The following MME variants were observed in gnomAD, a reference collection of about 807,000 sequenced individuals.
MME encodes the protein neprilysin.
Under a neutral mutation model 113.2 loss-of-function variants are expected in MME, and 98 were observed. That is an observed-to-expected ratio of 0.87 (90% CI 0.74 to 1.02). The LOEUF (loss-of-function observed/expected upper bound fraction) is 1.02, where lower values mean the gene tolerates loss of function less well. Ranked by LOEUF, MME falls within the 50% of genes least tolerant of loss-of-function variation. MME has a pLI of 0.00. For synonymous variants in MME, 292 were observed against 300.6 expected (o/e 0.97, Z 0.30); for missense variants, 836 against 896.0 (o/e 0.93, Z 0.86).
Position 155,097,494 on chromosome 3 carries a change from G to A in MME, c.196+12400G>A, listed in dbSNP as rs553482186. On this transcript the variant is annotated intron_variant, in intron 3 of 22. Transcript: ENST00000360490. ...AGCTGAGAGGTTGAGTAGGCTAAAT[G>A]TTGAAAGCAGAAAGGAAGACATTGA... is the stretch of plus-strand genomic sequence containing the variant. Among the ~76,000 whole-genome samples, 35 of 152,316 alleles carry A rather than the reference G, an allele frequency of 2.3e-4. 1 individual carries two copies. Among genetic ancestry groups the A allele is most frequent in the African/African-American group, 4.1e-4 (17 of 41,574 alleles).
intron 3 of MME, among the ~76,000 whole-genome samples, chr3:155,097,680 T>A (rs960774372): frequency 6.6e-6 from 1 of 152,158 alleles, no homozygotes; most frequent in African/African-American, 2.4e-5. Flanking sequence ...CCAAGATGGC[T>A]GAAATGCAAA....
intron 1 of MME, among the ~76,000 whole-genome samples, chr3:155,038,496 T>C (rs11923608): frequency 0.03 from 4,505 of 152,236 alleles, 191 homozygotes; most frequent in African/African-American, 0.093. Context: ...TTTGATTAGA[T>C]TTTCGATCTA....
intron 10 of MME, among the ~76,000 whole-genome samples, chr3:155,140,684 G>GT (rs1721011078): frequency 6.6e-6 from 1 of 151,978 alleles, no homozygotes; most frequent in Non-Finnish European, 1.5e-5. Flanking sequence ...TTAGCCACAG[G>GT]TGTGAGCCAC....
chr3:155,040,699 G>A (rs929071509), intron 1 of MME, among the ~76,000 whole-genome samples: 92 of 151,806 alleles, frequency 6.1e-4, no homozygotes, highest in African/African-American at 2.1e-3. Context: ...TACTATTTTC[G>A]AAAATTTTTC....
At chr3:155,180,296 G>A (rs1447771771) in intron 22 of MME, 64 bp from the exon 23 acceptor site, 3 of 1,138,442 alleles carry the variant, frequency 2.6e-6, no homozygotes, top group Admixed American at 1.7e-5. Flanking sequence ...ATGCTTCAGG[G>A]CTCCAGTGTG....
intron 1 of MME, among the ~76,000 whole-genome samples, chr3:155,054,172 C>T (rs893628001): frequency 3.3e-5 from 5 of 152,074 alleles, no homozygotes; most frequent in South Asian, 2.1e-4. Context: ...TTATTTCTTT[C>T]GTATTATTTT....
chr3:155,052,777 A>C lies in MME; in HGVS notation c.-11+28453A>C, dbSNP rs143770828. On this transcript the variant is annotated intron_variant, in intron 1 of 22. Coordinates refer to the MME transcript ENST00000492661. ...ATTAACATTCAGCTCCTCATTACTT[A>C]TGCAAATTACTGCAGCAGGCTTAAA... Among the ~76,000 whole-genome samples, 267 of 152,318 alleles carry C rather than the reference A, an allele frequency of 1.8e-3. 1 individual carries two copies. The highest frequency in any genetic ancestry group is 6.3e-3 in the African/African-American group (263 of 41,582).
chr3:155,116,565 T>G lies in MME; in HGVS notation c.439+6T>G, dbSNP rs1172517493. The G allele has an allele frequency of 3.1e-6, 5 of 1,589,356 alleles. No individual in the cohort carries two copies. ...CAGGTCTTGTATAAATGAATGTAAG[T>G]GCTCTTCATTTGATTTCATTAGGAG... On this transcript the variant is annotated splice_donor_region_variant and intron_variant, in intron 5 of 22. Transcript: ENST00000360490.
At chr3:155,178,411 T>C (rs1712770487) in intron 22 of MME, among the ~76,000 whole-genome samples, 1 of 152,002 alleles carries the variant, frequency 6.6e-6, no homozygotes, top group Non-Finnish European at 1.5e-5. Flanking sequence ...GGAAAGAAAA[T>C]GCTTTCTTTC....
At chr3:155,096,712 GTTGTTTGT>G (rs368508396) in intron 3 of MME, among the ~76,000 whole-genome samples, 2 of 152,054 alleles carry the variant, frequency 1.3e-5, no homozygotes, top group African/African-American at 4.8e-5. Context: ...TGTTGTTGCT[GTTGTTTGT>G]TTGTTTGTTT....
intron 8 of MME, among the ~76,000 whole-genome samples, chr3:155,137,286 C>T (rs1720706874): frequency 6.6e-6 from 1 of 151,890 alleles, no homozygotes; most frequent in African/African-American, 2.4e-5. Flanking sequence ...AACACAGCTT[C>T]ATAAAAAAGA....
intron 15 of MME, among the ~76,000 whole-genome samples, chr3:155,148,081 C>T (rs944958774): frequency 1.3e-5 from 2 of 152,112 alleles, no homozygotes; most frequent in African/African-American, 4.8e-5. Context: ...AGTGACTAAA[C>T]TATATCTCAG....
intron 1 of MME, among the ~76,000 whole-genome samples, chr3:155,042,198 A>G (rs1242286018): frequency 6.6e-6 from 1 of 152,156 alleles, no homozygotes; most frequent in Non-Finnish European, 1.5e-5. Context: ...AAATTTTCAC[A>G]TTGTGTAGAT....
At chr3:155,036,538 T>A (rs1713134426) in intron 1 of MME, among the ~76,000 whole-genome samples, 1 of 152,156 alleles carries the variant, frequency 6.6e-6, no homozygotes, top group Admixed American at 6.5e-5. Context: ...ATGTAATTCT[T>A]TGGGTTGACT....
chr3:155,168,238 C>T (rs753281317), intron 18 of MME, among the ~76,000 whole-genome samples: 33 of 152,146 alleles, frequency 2.2e-4, no homozygotes, highest in Non-Finnish European at 4.3e-4. Flanking sequence ...TTTTGTCTGG[C>T]GGCCTCTTCT....
intron 8 of MME, among the ~76,000 whole-genome samples, chr3:155,130,795 A>G (rs1720087934): frequency 6.6e-6 from 1 of 152,204 alleles, no homozygotes; most frequent in Non-Finnish European, 1.5e-5. Flanking sequence ...TTGAGCTAAG[A>G]ATAGAAGTTC....
At chr3:155,142,853 A>T (rs1361958753) in intron 12 of MME, among the ~76,000 whole-genome samples, 1 of 152,122 alleles carries the variant, frequency 6.6e-6, no homozygotes, top group South Asian at 2.1e-4. Context: ...GAGGAAGGAG[A>T]GACTCCAGCA....
At chr3:155,147,277 G>C in intron 15 of MME, 53 bp downstream of exon 15, 1 of 1,158,496 alleles carries the variant, frequency 8.6e-7, no homozygotes, top group Non-Finnish European at 1.3e-6. Context: ...GCTGGTAGTA[G>C]TGTCATTTTT....
chr3:155,168,864 T>C, intron 20 of MME, 67 bp downstream of exon 20: 1 of 1,389,358 alleles, frequency 7.2e-7, no homozygotes, highest in Non-Finnish European at 1.0e-6. Flanking sequence ...ATAATTCATT[T>C]AAAACCTTTT....
Sources: allele counts gnomAD v4.1 joint callset (sites outside exome capture counted in the v4.1 genomes callset), GRCh38; gene constraint gnomAD v4.1.1; transcripts MANE v1.5; gene names NCBI Gene and HGNC (gene_info 2026-07-23, HGNC 2026-07-21).